The following SLC25A21 variants were observed in gnomAD, a reference collection of about 807,000 sequenced individuals.
SLC25A21 encodes the protein solute carrier family 25 member 21.
SLC25A21 carries 47 observed loss-of-function variants against 43.8 expected under a neutral mutation model. The ratio of observed to expected loss-of-function variants is 1.07; its 90% confidence interval spans 0.85 to 1.37. SLC25A21 has a LOEUF of 1.37. Among genes scored for constraint, SLC25A21 ranks in the 40% most tolerant of loss-of-function variants. The probability of loss-of-function intolerance (pLI) is 0.00; values close to 1 mark genes in which losing one functional copy is unlikely to be tolerated. For missense variants in SLC25A21, 352 were observed against 350.2 expected (o/e 1.00, Z -0.04); for synonymous variants, 131 against 121.3 (o/e 1.08, Z -0.52).
At chr14:36,683,957 G>A (rs1007673384) in intron 8 of SLC25A21, 77 bp from the exon 9 acceptor site, 1 of 1,087,544 alleles carries the variant, frequency 9.2e-7, no homozygotes, top group South Asian at 1.5e-5. Context: ...TTGAGATAGG[G>A]ACCCAGCATT....
intron 1 of SLC25A21, among the ~76,000 whole-genome samples, chr14:37,091,607 G>C (rs1594788162): frequency 1.3e-5 from 2 of 152,292 alleles, no homozygotes; most frequent in Non-Finnish European, 2.9e-5. Flanking sequence ...TTGTTCAGCT[G>C]GGAACATGTG....
chr14:37,158,377 T>C (rs1052571982), intron 1 of SLC25A21, among the ~76,000 whole-genome samples: 5 of 151,962 alleles, frequency 3.3e-5, no homozygotes, highest in Admixed American at 6.6e-5. Flanking sequence ...AAAAAGATAA[T>C]ACACCATTAT....
At chr14:36,817,395 A>G (rs1420809714) in intron 2 of SLC25A21, among the ~76,000 whole-genome samples, 1 of 152,128 alleles carries the variant, frequency 6.6e-6, no homozygotes, top group African/African-American at 2.4e-5. Context: ...AGGAGGAAGC[A>G]TTTCAGGTGG....
intron 1 of SLC25A21, among the ~76,000 whole-genome samples, chr14:37,162,599 T>C (rs1243930952): frequency 6.6e-6 from 1 of 152,128 alleles, no homozygotes; most frequent in East Asian, 1.9e-4. Flanking sequence ...AGATACCATC[T>C]CACACCAGTT....
intron 6 of SLC25A21, among the ~76,000 whole-genome samples, chr14:36,713,758 A>T (rs2139192706): frequency 6.6e-6 from 1 of 152,274 alleles, no homozygotes; most frequent in African/African-American, 2.4e-5. Flanking sequence ...CGGAGGCAGG[A>T]GGAGTGCTTG....
intron 1 of SLC25A21, among the ~76,000 whole-genome samples, chr14:36,977,655 T>G (rs574021614): frequency 8.1e-4 from 123 of 152,252 alleles, no homozygotes; most frequent in African/African-American, 2.7e-3. Context: ...GGGGGCCTTG[T>G]AAAAAAGTGT....
intron 1 of SLC25A21, among the ~76,000 whole-genome samples, chr14:36,962,413 A>C (rs548443709): frequency 6.6e-6 from 1 of 152,282 alleles, no homozygotes; most frequent in East Asian, 1.9e-4. Flanking sequence ...TTTGATCTCT[A>C]GATTTGTTCA....
At chr14:36,682,170 C>CTT (rs60676379) in intron 9 of SLC25A21, among the ~76,000 whole-genome samples, 1 of 147,800 alleles carries the variant, frequency 6.8e-6, no homozygotes, top group Admixed American at 6.7e-5. Flanking sequence ...CTCTCTCATT[C>CTT]TTTTTTTTTT....
At chr14:36,919,728 A>G (rs1287683730) in intron 1 of SLC25A21, among the ~76,000 whole-genome samples, 1 of 151,972 alleles carries the variant, frequency 6.6e-6, no homozygotes, top group Non-Finnish European at 1.5e-5. Flanking sequence ...TAATTACTCA[A>G]GAGGCTGAAG....
intron 6 of SLC25A21, among the ~76,000 whole-genome samples, chr14:36,719,356 T>C (rs1280576305): frequency 6.6e-6 from 1 of 152,216 alleles, no homozygotes; most frequent in African/African-American, 2.4e-5. Context: ...AGGGAAATCC[T>C]TGGGCAAGCT....
intron 1 of SLC25A21, among the ~76,000 whole-genome samples, chr14:37,072,746 TAAAAACA>T (rs1014259053): frequency 6.6e-6 from 1 of 150,566 alleles, no homozygotes; most frequent in African/African-American, 2.4e-5. Context: ...GTCTCAAAAA[TAAAAACA>T]AAAAAGAAAA....
At chr14:36,998,767 A>G (rs547227824) in intron 1 of SLC25A21, among the ~76,000 whole-genome samples, 26 of 152,252 alleles carry the variant, frequency 1.7e-4, no homozygotes, top group Admixed American at 5.2e-4. Flanking sequence ...TCACTAAAGA[A>G]GATATATGGA....
At chr14:36,742,512 G>C (rs1014674446) in intron 3 of SLC25A21, among the ~76,000 whole-genome samples, 2 of 152,120 alleles carry the variant, frequency 1.3e-5, no homozygotes, top group Admixed American at 6.6e-5. Context: ...TCATGGCTCT[G>C]TGATTTGAAT....
intron 1 of SLC25A21, among the ~76,000 whole-genome samples, chr14:36,901,143 G>A (rs1239249708): frequency 1.3e-5 from 2 of 152,196 alleles, no homozygotes; most frequent in East Asian, 1.9e-4. Flanking sequence ...GAAAGAGGGA[G>A]AAGAGCAGAG....
intron 1 of SLC25A21, among the ~76,000 whole-genome samples, chr14:37,026,706 A>G (rs1401790482): frequency 1.3e-5 from 2 of 152,218 alleles, no homozygotes; most frequent in Non-Finnish European, 2.9e-5. Context: ...GTGACAGTCT[A>G]AAAAAGTATT....
At chr14:36,994,400 GT>G (rs1477996128) in intron 1 of SLC25A21, among the ~76,000 whole-genome samples, 1 of 152,130 alleles carries the variant, frequency 6.6e-6, no homozygotes, top group Non-Finnish European at 1.5e-5. Context: ...CTTTTCACTG[GT>G]CCTTAGGAAT....
chr14:36,967,437 G>C (rs1006947655), intron 1 of SLC25A21, among the ~76,000 whole-genome samples: 3 of 152,158 alleles, frequency 2.0e-5, no homozygotes. Flanking sequence ...GGAGTCAATA[G>C]AGAAGAACTT....
intron 1 of SLC25A21, among the ~76,000 whole-genome samples, chr14:37,062,477 A>G (rs926236419): frequency 6.6e-6 from 1 of 152,142 alleles, no homozygotes; most frequent in Non-Finnish European, 1.5e-5. Context: ...TTAAAAAAAG[A>G]ACTCTCTATT....
At chr14:37,136,390 T>C (rs1452595804) in intron 1 of SLC25A21, among the ~76,000 whole-genome samples, 2 of 152,216 alleles carry the variant, frequency 1.3e-5, no homozygotes, top group Admixed American at 6.5e-5. Flanking sequence ...TATTTACTTA[T>C]CCAGAATTCA....
Sources: gnomAD v4.1 joint callset for allele counts (sites outside exome capture counted in the v4.1 genomes callset) on GRCh38, gnomAD v4.1.1 for gene constraint, MANE v1.5 for transcripts, NCBI Gene and HGNC (gene_info 2026-07-23, HGNC 2026-07-21) for gene names.